TIAM2: variants seen among roughly 807,000 people sequenced by gnomAD.
The protein encoded by TIAM2 is TIAM Rac1 associated GEF 2.
A neutral mutation model predicts 152.9 loss-of-function variants in TIAM2; 80 were observed. That is an observed-to-expected ratio of 0.52 (90% confidence interval 0.44 to 0.63). The LOEUF (loss-of-function observed/expected upper bound fraction) is 0.63. Ranked by LOEUF, TIAM2 falls within the 30% of genes least tolerant of loss-of-function variation. The pLI, the probability that TIAM2 is intolerant of heterozygous loss-of-function variation, is 0.00. For synonymous variants in TIAM2, 804 were observed against 838.0 expected (o/e 0.96, Z 0.70); for missense variants, 1,965 against 2,120.1 (o/e 0.93, Z 1.44).
intron 1 of TIAM2, among the ~76,000 whole-genome samples, chr6:155,039,679 C>A (rs1025270141): frequency 1.3e-5 from 2 of 152,066 alleles, no homozygotes; most frequent in Non-Finnish European, 2.9e-5. Context: ...ACAAAAAGAT[C>A]TTTCTTCTGA....
At chr6:155,056,187 T>G (rs1388024459) in intron 1 of TIAM2, among the ~76,000 whole-genome samples, 1 of 145,796 alleles carries the variant, frequency 6.9e-6, no homozygotes, top group Non-Finnish European at 1.5e-5. Context: ...TTTTTTTTTT[T>G]TTGAGACAGA....
At chr6:155,021,148 T>G (rs1274764582) in intron 1 of TIAM2, among the ~76,000 whole-genome samples, 1 of 152,212 alleles carries the variant, frequency 6.6e-6, no homozygotes, top group Non-Finnish European at 1.5e-5. Flanking sequence ...CATTTGGGTT[T>G]TTCTACTTTT....
Position 155,129,498 on chromosome 6 carries a change from C to G in TIAM2, c.275C>G (p.Ser92Cys). The G allele has an allele frequency of 6.2e-7, 1 of 1,614,180 alleles. No individual in the cohort carries two copies. The highest frequency in any genetic ancestry group is 1.1e-5 in the South Asian group (1 of 91,084). The stretch of plus-strand genomic sequence containing the variant: ...AAGGTCTCCAGAGGTGTTGCCTACT[C>G]CACGCACAGGACAAATGCCCCAGGG... ...TCKVSRGVAY[S>C]THRTNAPGKD... The change falls in exon 4 of 27, where the codon TCC becomes TGC. Residue 92 changes from serine (S) to cysteine (C), a missense_variant. Ser to Cys is a moderately radical substitution (Grantham distance 112). Coordinates refer to ENST00000682666, the MANE Select transcript of TIAM2 (RefSeq NM_012454.4). The surrounding 1 kb of genome is among the most constrained non-coding windows in gnomAD (Gnocchi z 4.8).
intron 1 of TIAM2, among the ~76,000 whole-genome samples, chr6:155,059,983 A>G (rs1278510921): frequency 6.6e-6 from 1 of 152,228 alleles, no homozygotes; most frequent in Non-Finnish European, 1.5e-5. Flanking sequence ...GATATACTGC[A>G]TTGTAAATAT....
intron 1 of TIAM2, among the ~76,000 whole-genome samples, chr6:155,009,734 G>A (rs1045033119): frequency 6.6e-6 from 1 of 152,194 alleles, no homozygotes; most frequent in African/African-American, 2.4e-5. Flanking sequence ...TTACGCAGTT[G>A]TAAGGGACAG....
At chr6:155,087,005 T>C (rs1778184626) in intron 1 of TIAM2, among the ~76,000 whole-genome samples, 1 of 152,114 alleles carries the variant, frequency 6.6e-6, no homozygotes, top group Non-Finnish European at 1.5e-5. Flanking sequence ...GAAAAAGAAA[T>C]AATTGCGAGG....
chr6:155,159,054 T>A (rs1780197147), intron 7 of TIAM2, among the ~76,000 whole-genome samples: 1 of 152,210 alleles, frequency 6.6e-6, no homozygotes. Flanking sequence ...GCTAAAAGAT[T>A]GTCTTTTTTT....
chr6:155,131,223 G>A (rs1033813367), intron 4 of TIAM2, among the ~76,000 whole-genome samples: 5 of 152,144 alleles, frequency 3.3e-5, no homozygotes, highest in Non-Finnish European at 7.3e-5. Flanking sequence ...AGCCTGGCGT[G>A]GTGGCGGGTG....
intron 1 of TIAM2, among the ~76,000 whole-genome samples, chr6:155,059,280 T>TGCTGTG (rs1562303718): frequency 8.4e-6 from 1 of 119,650 alleles, no homozygotes; most frequent in Admixed American, 8.8e-5. Flanking sequence ...GAATGTCCCT[T>TGCTGTG]TCTGTGTGTG....
intron 6 of TIAM2, among the ~76,000 whole-genome samples, chr6:155,145,786 G>A (rs1230591726): frequency 6.6e-6 from 1 of 152,280 alleles, no homozygotes; most frequent in Non-Finnish European, 1.5e-5. Flanking sequence ...AGTCTAGAAT[G>A]CTCAGAAGTG....
chr6:155,115,671 G>A (rs572427999), intron 2 of TIAM2, among the ~76,000 whole-genome samples: 3 of 152,158 alleles, frequency 2.0e-5, no homozygotes, highest in Admixed American at 6.5e-5. Flanking sequence ...TCAATCAATC[G>A]ATGTTAAAAA....
chr6:155,023,070 A>T (rs1776531611), intron 1 of TIAM2, among the ~76,000 whole-genome samples: 1 of 140,884 alleles, frequency 7.1e-6, no homozygotes, highest in Non-Finnish European at 1.5e-5. Flanking sequence ...TCCCTTGGCA[A>T]GTGAATTTAT....
At chr6:155,047,462 C>T (rs1777202165) in intron 1 of TIAM2, among the ~76,000 whole-genome samples, 1 of 152,068 alleles carries the variant, frequency 6.6e-6, no homozygotes, top group Non-Finnish European at 1.5e-5. Flanking sequence ...TTACGTGTGT[C>T]AGCCACTGTG....
intron 1 of TIAM2, among the ~76,000 whole-genome samples, chr6:155,080,526 G>A (rs1562309896): frequency 6.6e-6 from 1 of 151,048 alleles, no homozygotes; most frequent in Admixed American, 6.6e-5. Context: ...TGCAACCTCC[G>A]CCTCCCAGGT....
chr6:154,996,456 T>C (rs1778213491), intron 1 of TIAM2, among the ~76,000 whole-genome samples: 2 of 152,174 alleles, frequency 1.3e-5, no homozygotes, highest in Non-Finnish European at 2.9e-5. Flanking sequence ...TTATTTACTA[T>C]GCGATGAAGG....
At chr6:155,099,073 G>T (rs1253319417) in intron 2 of TIAM2, among the ~76,000 whole-genome samples, 1 of 151,598 alleles carries the variant, frequency 6.6e-6, no homozygotes, top group Non-Finnish European at 1.5e-5. Flanking sequence ...TGTAATCCTA[G>T]CTACTTGGGA....
chr6:155,096,008 G>T (rs768439988), intron 2 of TIAM2, among the ~76,000 whole-genome samples: 2 of 152,082 alleles, frequency 1.3e-5, no homozygotes, highest in African/African-American at 4.8e-5. Context: ...AAAACTCATT[G>T]TGTAGGTTTC....
chr6:155,059,775 G>GGT (rs1268150651), intron 1 of TIAM2, among the ~76,000 whole-genome samples: 1 of 152,044 alleles, frequency 6.6e-6, no homozygotes, highest in Non-Finnish European at 1.5e-5. Flanking sequence ...TGGTTAGTGT[G>GGT]GTGTCAGCCT....
chr6:155,063,694 A>G (rs1487218247), intron 1 of TIAM2, among the ~76,000 whole-genome samples: 1 of 149,172 alleles, frequency 6.7e-6, no homozygotes, highest in Non-Finnish European at 1.5e-5. Flanking sequence ...AGGCAGGAGA[A>G]TCTCTTGAAC....
Sources: gnomAD v4.1 joint callset for allele counts (sites outside exome capture counted in the v4.1 genomes callset) on GRCh38, gnomAD v4.1.1 for gene constraint, Gnocchi (gnomAD v3.1) non-coding constraint, MANE v1.5 for transcripts, NCBI Gene and HGNC (gene_info 2026-07-23, HGNC 2026-07-21) for gene names.